Variants in CDH12 observed in about 807,000 individuals in gnomAD.
The protein encoded by CDH12 is cadherin 12.
Under a neutral mutation model 74.1 loss-of-function variants are expected in CDH12, and 41 were observed. The observed-to-expected ratio is 0.55, with a 90% CI of 0.43 to 0.72. The LOEUF is 0.72. Ranked by LOEUF, CDH12 falls within the 30% of genes least tolerant of loss-of-function variation. The probability of loss-of-function intolerance (pLI) is 0.00; values close to 1 mark genes in which losing one functional copy is unlikely to be tolerated. For synonymous variants in CDH12, 399 were observed against 355.0 expected, an observed-to-expected ratio of 1.12 and a Z score of -1.39; for missense variants, 945 against 977.2, an observed-to-expected ratio of 0.97 and a Z score of 0.44.
intron 1 of CDH12, among the ~76,000 whole-genome samples, chr5:22,683,063 T>A (rs1171051353): frequency 6.6e-6 from 1 of 152,164 alleles, no homozygotes. Flanking sequence ...AGGTTTATTC[T>A]TGCTGATAAC....
intron 3 of CDH12, among the ~76,000 whole-genome samples, chr5:22,222,112 G>T (rs930596843): frequency 3.3e-5 from 5 of 151,844 alleles, no homozygotes; most frequent in Non-Finnish European, 7.4e-5. Context: ...CTGAGCAAAT[G>T]GTATAATGCC....
chr5:22,205,415 A>C (rs1345688410), intron 4 of CDH12, among the ~76,000 whole-genome samples: 4 of 152,302 alleles, frequency 2.6e-5, no homozygotes, highest in Middle Eastern at 3.4e-3. Context: ...ACAGAAGAAA[A>C]TAATAGAGAA....
At chr5:22,693,582 G>A (rs370537706) in intron 1 of CDH12, among the ~76,000 whole-genome samples, 19 of 151,854 alleles carry the variant, frequency 1.3e-4, no homozygotes, top group Admixed American at 7.9e-4. Flanking sequence ...AACATTATTC[G>A]TAATGTTGTA....
At chr5:22,153,863 T>TAACACACACAAAC (rs1747790104) in intron 4 of CDH12, among the ~76,000 whole-genome samples, 1 of 62,086 alleles carries the variant, frequency 1.6e-5, no homozygotes, top group African/African-American at 6.1e-5. Flanking sequence ...TGTGTGTATA[T>TAACACACACAAAC]ATATATATGT....
chr5:21,854,521 G>A lies in CDH12; in HGVS notation c.646+150C>T, dbSNP rs988120158. On this transcript the variant is annotated intron_variant, in intron 7 of 14. Transcript: ENST00000382254. ...CTTAAATGGAGATCGTTCTTCAGCA[G>A]CAAGGAAAGATCCCATCTTCTTTGC... The A allele has an allele frequency of 2.0e-5, 10 of 496,072 alleles. No individual in the cohort carries two copies. The Middle Eastern group carries it at 1.7e-3, about 85-fold the overall frequency. The allele number at this position is 496,072 out of a possible 1,614,324, so 30.7% of individuals were successfully genotyped here. A position where few individuals can be genotyped will look rare whatever the true frequency, so the allele number is the denominator to read the frequency against.
rs1215631804 is a variant in CDH12, at chr5:21,751,384, C to T, written c.*353G>A. On this transcript the variant is annotated 3_prime_UTR_variant, in exon 15 of 15. Transcript: ENST00000382254. ...AATTAAGAAAAATCTAACACTCTTCCACCGTGATGCCACATAGCTATCTTC... is the reference window on the plus strand; with the variant it reads ...AATTAAGAAAAATCTAACACTCTTCTACCGTGATGCCACATAGCTATCTTC... 4.6e-6 allele frequency: 1 copy of T among 218,288 alleles called. No homozygotes were observed. The highest frequency in any genetic ancestry group is 9.3e-6 in the Non-Finnish European group (1 of 107,910). The allele number at this position is 218,288 out of a possible 1,614,324, so 13.5% of individuals were successfully genotyped here. A position where few individuals can be genotyped will look rare whatever the true frequency, so the allele number is the denominator to read the frequency against.
At chr5:21,757,101 G>A (rs1261919333) in intron 13 of CDH12, among the ~76,000 whole-genome samples, 1 of 152,138 alleles carries the variant, frequency 6.6e-6, no homozygotes. Context: ...CTTGGGAGAA[G>A]GTAGGGATTT....
At chr5:22,357,423 C>A (rs1339168464) in intron 3 of CDH12, among the ~76,000 whole-genome samples, 1 of 151,576 alleles carries the variant, frequency 6.6e-6, no homozygotes, top group Non-Finnish European at 1.5e-5. Context: ...AACTCGGTAC[C>A]CCAAATGGAA....
intron 1 of CDH12, among the ~76,000 whole-genome samples, chr5:22,751,188 G>A (rs920653921): frequency 3.3e-5 from 5 of 151,630 alleles, no homozygotes; most frequent in African/African-American, 1.2e-4. Flanking sequence ...ATACCTTAAA[G>A]AGGCGGCAAG....
intron 1 of CDH12, among the ~76,000 whole-genome samples, chr5:22,644,555 G>A (rs1561548345): frequency 6.6e-6 from 1 of 151,948 alleles, no homozygotes; most frequent in Non-Finnish European, 1.5e-5. Flanking sequence ...GCACAGGTTG[G>A]TTCATGAGGT....
intron 3 of CDH12, among the ~76,000 whole-genome samples, chr5:22,262,504 C>A (rs1240890224): frequency 2.0e-5 from 3 of 151,484 alleles, no homozygotes; most frequent in East Asian, 2.0e-4. Flanking sequence ...TTTTCTTAAT[C>A]CAGTCTATCA....
chr5:22,398,039 G>A (rs929284677), intron 3 of CDH12, among the ~76,000 whole-genome samples: 21 of 152,172 alleles, frequency 1.4e-4, no homozygotes, highest in Non-Finnish European at 2.5e-4. Context: ...GCCACCATTA[G>A]GTAAGTTTAT....
intron 9 of CDH12, among the ~76,000 whole-genome samples, chr5:21,804,350 G>A (rs1747308281): frequency 6.6e-6 from 1 of 152,064 alleles, no homozygotes. Context: ...CCTAAAGCTT[G>A]AATACTGTGT....
intron 5 of CDH12, among the ~76,000 whole-genome samples, chr5:22,034,824 A>C (rs1394502704): frequency 6.6e-6 from 1 of 152,198 alleles, no homozygotes; most frequent in East Asian, 1.9e-4. Flanking sequence ...GGAGTCTAGA[A>C]TATAGATCCT....
At chr5:22,789,337 T>C (rs556766503) in intron 1 of CDH12, among the ~76,000 whole-genome samples, 10 of 152,010 alleles carry the variant, frequency 6.6e-5, no homozygotes, top group Admixed American at 5.2e-4. Context: ...GGAATTAAAG[T>C]GACATAATAA....
intron 1 of CDH12, among the ~76,000 whole-genome samples, chr5:22,830,256 T>C (rs1481854906): frequency 6.6e-6 from 1 of 152,140 alleles, no homozygotes; most frequent in East Asian, 1.9e-4. Flanking sequence ...TTAAGAAAAG[T>C]TTTGTTTAAT....
rs1280204791 is a variant in CDH12, at chr5:22,053,160, C to T, written c.231+25286G>A. Reference sequence around the variant, plus strand: ...TCTGATTTGTTAAAAATATTTGGCACGGTGCCTTATAAGTCTTGCTGCTCC... The same window carrying T: ...TCTGATTTGTTAAAAATATTTGGCATGGTGCCTTATAAGTCTTGCTGCTCC... On this transcript the variant is annotated intron_variant, in intron 5 of 14. Transcript: ENST00000382254. 4.0e-5 allele frequency among the ~76,000 whole-genome samples: 6 copies of T among 151,452 alleles called. No homozygotes were observed. In the East Asian group the frequency reaches 7.7e-4, roughly 20 times the overall value.
At chr5:21,776,152 C>G (rs1335062728) in intron 11 of CDH12, among the ~76,000 whole-genome samples, 1 of 152,168 alleles carries the variant, frequency 6.6e-6, no homozygotes, top group Non-Finnish European at 1.5e-5. Flanking sequence ...ACAAACTGCT[C>G]TATGGAGATG....
intron 3 of CDH12, among the ~76,000 whole-genome samples, chr5:22,233,545 A>G (rs970103526): frequency 2.6e-5 from 4 of 152,148 alleles, no homozygotes; most frequent in Non-Finnish European, 5.9e-5. Flanking sequence ...AGTCAATGTT[A>G]CTGCTTCTTT....
Sources: gnomAD v4.1 joint callset for allele counts (sites outside exome capture counted in the v4.1 genomes callset) on GRCh38, gnomAD v4.1.1 for gene constraint, MANE v1.5 for transcripts, NCBI Gene and HGNC (gene_info 2026-07-23, HGNC 2026-07-21) for gene names.